The following SUMF1 variants were observed in gnomAD, a reference collection of about 807,000 sequenced individuals.
SUMF1 encodes sulfatase modifying factor 1.
A neutral mutation model predicts 47.6 loss-of-function variants in SUMF1; 48 were observed. The ratio of observed to expected loss-of-function variants is 1.01; its 90% CI spans 0.80 to 1.28. The LOEUF (loss-of-function observed/expected upper bound fraction) is 1.28, where lower values mean the gene tolerates loss of function less well. Among genes scored for constraint, SUMF1 ranks in the 50% most tolerant of loss-of-function variants. SUMF1 has a pLI of 0.00. For synonymous variants in SUMF1, 230 were observed against 192.1 expected (o/e 1.20, Z -1.63); for missense variants, 571 against 485.4 (o/e 1.18, Z -1.66).
chr3:4,420,005 C>A (rs1701838184), intron 4 of SUMF1, 59 bp downstream of exon 4: 1 of 1,439,286 alleles, frequency 6.9e-7, no homozygotes, highest in Non-Finnish European at 9.8e-7. Context: ...TTTGCAAGAG[C>A]AAAGGGTACC....
intron 8 of SUMF1, among the ~76,000 whole-genome samples, chr3:4,212,670 G>A (rs1173595625): frequency 6.6e-6 from 1 of 152,104 alleles, no homozygotes; most frequent in Non-Finnish European, 1.5e-5. Flanking sequence ...TTGAAAAAAG[G>A]TTACACGAAT....
chr3:4,403,542 G>C (rs1701281118), intron 7 of SUMF1, among the ~76,000 whole-genome samples: 1 of 152,146 alleles, frequency 6.6e-6, no homozygotes, highest in Non-Finnish European at 1.5e-5. Flanking sequence ...GAAACAGAAA[G>C]ATGGGTGGGG....
intron 8 of SUMF1, among the ~76,000 whole-genome samples, chr3:4,253,504 C>T (rs541762056): frequency 3.3e-5 from 5 of 152,000 alleles, no homozygotes; most frequent in East Asian, 1.9e-4. Context: ...GGGTGACGGA[C>T]GCACCTGGAA....
intron 8 of SUMF1, among the ~76,000 whole-genome samples, chr3:4,214,830 C>T (rs1695882516): frequency 6.6e-6 from 1 of 152,086 alleles, no homozygotes; most frequent in South Asian, 2.1e-4. Flanking sequence ...CATACACCCT[C>T]CCAACCCTAA....
intron 8 of SUMF1, among the ~76,000 whole-genome samples, chr3:4,125,891 G>T (rs1237317392): frequency 6.6e-6 from 1 of 152,008 alleles, no homozygotes; most frequent in Non-Finnish European, 1.5e-5. Context: ...TGGCCAGGCT[G>T]GTCTCAAACT....
intron 3 of SUMF1, among the ~76,000 whole-genome samples, chr3:4,435,094 T>G (rs986486456): frequency 6.6e-6 from 1 of 152,082 alleles, no homozygotes; most frequent in South Asian, 2.1e-4. Context: ...ACCCGGCTGA[T>G]TTTTGTATTT....
intron 8 of SUMF1, among the ~76,000 whole-genome samples, chr3:4,198,339 T>G (rs2125149923): frequency 6.6e-6 from 1 of 152,268 alleles, no homozygotes; most frequent in Non-Finnish European, 1.5e-5. Flanking sequence ...ATGGGAACTC[T>G]GCAGAGATCA....
At chr3:4,404,006 A>G (rs1447354850) in intron 7 of SUMF1, among the ~76,000 whole-genome samples, 1 of 152,220 alleles carries the variant, frequency 6.6e-6, no homozygotes, top group Non-Finnish European at 1.5e-5. Context: ...TATTTCTAAC[A>G]TTGTCCAAAT....
chr3:4,247,141 G>T (rs1027729175), intron 8 of SUMF1, among the ~76,000 whole-genome samples: 3 of 152,136 alleles, frequency 2.0e-5, no homozygotes, highest in African/African-American at 4.8e-5. Flanking sequence ...TTTTTTCACT[G>T]CCCCATTGCC....
chr3:4,379,457 C>A (rs1700430219), intron 7 of SUMF1, among the ~76,000 whole-genome samples: 1 of 152,170 alleles, frequency 6.6e-6, no homozygotes, highest in South Asian at 2.1e-4. Context: ...TGGAAGTCAC[C>A]AGGAAGGATC....
At chr3:4,164,912 G>T (rs1694663585) in intron 8 of SUMF1, among the ~76,000 whole-genome samples, 1 of 152,108 alleles carries the variant, frequency 6.6e-6, no homozygotes, top group Admixed American at 6.5e-5. Flanking sequence ...AAGGCAGAAG[G>T]ATTTTCTTCC....
chr3:4,387,096 A>G (rs1463231531), intron 7 of SUMF1, among the ~76,000 whole-genome samples: 2 of 151,996 alleles, frequency 1.3e-5, no homozygotes, highest in African/African-American at 4.8e-5. Flanking sequence ...GGATCAAGGC[A>G]ATACTAGCTT....
At chr3:4,380,374 A>G (rs77499270) in intron 7 of SUMF1, among the ~76,000 whole-genome samples, 4,859 of 152,280 alleles carry the variant, frequency 0.032, 115 homozygotes, top group Non-Finnish European at 0.048. Flanking sequence ...TAAACATTGG[A>G]TATACATGGA....
At chr3:4,226,814 C>T (rs1292196880) in intron 8 of SUMF1, among the ~76,000 whole-genome samples, 1 of 151,896 alleles carries the variant, frequency 6.6e-6, no homozygotes, top group Non-Finnish European at 1.5e-5. Context: ...TCAAAAAACC[C>T]AAGGAACTGC....
chr3:4,054,011 G>A (rs1341140689), intron 9 of SUMF1, among the ~76,000 whole-genome samples: 5 of 152,054 alleles, frequency 3.3e-5, no homozygotes, highest in East Asian at 1.9e-4. Context: ...CACAAAACTC[G>A]TCTCTACCAA....
At chr3:4,291,608 C>G (rs766180436) in intron 8 of SUMF1, among the ~76,000 whole-genome samples, 2 of 152,008 alleles carry the variant, frequency 1.3e-5, no homozygotes, top group Non-Finnish European at 2.9e-5. Context: ...CGCTTTTTAC[C>G]ACTTCTATCA....
intron 8 of SUMF1, among the ~76,000 whole-genome samples, chr3:4,355,852 A>G (rs1268107601): frequency 6.6e-6 from 1 of 152,156 alleles, no homozygotes; most frequent in Non-Finnish European, 1.5e-5. Flanking sequence ...GCCTTCTCAT[A>G]ATGATGACTC....
Position 4,324,812 on chromosome 3 carries a change from G to A in SUMF1, c.1014+51518C>T, listed in dbSNP as rs1419594256. 2.6e-5 allele frequency among the ~76,000 whole-genome samples: 4 copies of A among 152,122 alleles called. No individual in the cohort carries two copies. In the East Asian group the frequency reaches 7.7e-4, roughly 29 times the overall value. ...CTCAACTTTGCCTTTGGCATAGTGA[G>A]TTTGGGGGCCCTGCAATTCTATTTT... On this transcript the variant is annotated intron_variant and NMD_transcript_variant, in intron 8 of 12. Coordinates refer to the SUMF1 transcript ENST00000448413.
rs141532241 is a variant in SUMF1 at position 4,348,337 on chromosome 3, C to G, written c.1014+27993G>C. On this transcript the variant is annotated intron_variant and NMD_transcript_variant, in intron 8 of 12. Transcript: ENST00000448413. Reference sequence around the variant, plus strand: ...ACTGGTACCAAAACAGACATATAGACCAATGGAGCAGAACAGAGACCTCGG... The same window carrying G: ...ACTGGTACCAAAACAGACATATAGAGCAATGGAGCAGAACAGAGACCTCGG... 4.8e-3 allele frequency among the ~76,000 whole-genome samples: 735 copies of G among 152,182 alleles called. 7 individuals carry two copies. Among genetic ancestry groups the G allele is most frequent in the African/African-American group, 0.017 (709 of 41,534 alleles).
Sources: allele counts gnomAD v4.1 joint callset (sites outside exome capture counted in the v4.1 genomes callset), GRCh38; gene constraint gnomAD v4.1.1; transcripts MANE v1.5; gene names NCBI Gene and HGNC (gene_info 2026-07-23, HGNC 2026-07-21).